RIPOR3: variants seen among roughly 807,000 people sequenced by gnomAD.
The protein encoded by RIPOR3 is family with sequence similarity 65 member C.
In RIPOR3, 95 loss-of-function variants were observed where a neutral mutation model predicts 114.3. The observed-to-expected ratio is 0.83, with a 90% CI of 0.70 to 0.99. The LOEUF is 0.99. Ranked by LOEUF, RIPOR3 falls within the 50% of genes least tolerant of loss-of-function variation. RIPOR3 has a pLI of 0.00. For synonymous variants in RIPOR3, 575 were observed against 543.8 expected (o/e 1.06, Z -0.80); for missense variants, 1,252 against 1,266.9 (o/e 0.99, Z 0.18).
intron 1 of RIPOR3, among the ~76,000 whole-genome samples, chr20:50,667,286 CTTTTTTT>C (rs139859156): frequency 1.6e-3 from 111 of 67,568 alleles, no homozygotes; most frequent in African/African-American, 5.3e-3. Context: ...CTTTAAACTA[CTTTTTTT>C]TTTTTTTTTT....
chr20:50,633,540 G>A (rs73274615), intron 1 of RIPOR3, among the ~76,000 whole-genome samples: 5 of 152,094 alleles, frequency 3.3e-5, no homozygotes, highest in Non-Finnish European at 5.9e-5. Context: ...GAATAAGGAC[G>A]GAGTAGGGAG....
At chr20:50,630,449 T>C (rs766630349) in intron 2 of RIPOR3, among the ~76,000 whole-genome samples, 4 of 152,212 alleles carry the variant, frequency 2.6e-5, no homozygotes, top group African/African-American at 9.6e-5. Context: ...CAAGTGGACC[T>C]GCTAAGCTCA....
intron 11 of RIPOR3, among the ~76,000 whole-genome samples, chr20:50,606,376 A>C (rs2083714319): frequency 6.6e-6 from 1 of 152,184 alleles, no homozygotes; most frequent in African/African-American, 2.4e-5. Flanking sequence ...CAGGGAATCT[A>C]AGGCCAATTA....
At position 50,609,450 on chromosome 20, in the gene RIPOR3, A is replaced by G; in HGVS notation, c.577-94T>C. The G allele has an allele frequency of 3.3e-6, 5 of 1,516,786 alleles. No homozygotes were observed. In the South Asian group the frequency reaches 5.0e-5, roughly 15 times the overall value. 94.0% of individuals were successfully genotyped at this position (1,516,786 alleles called of 1,614,324 possible). A position where few individuals can be genotyped will look rare whatever the true frequency, so the allele number is the denominator to read the frequency against. On this transcript the variant is annotated intron_variant, in intron 7 of 21. Transcript: ENST00000327979. ...GCAGCCAGACAGAGGCCACAGGCAGAGAGACGCCTCCTTGGGGCCCAGAAC... is the reference window on the plus strand; with the variant it reads ...GCAGCCAGACAGAGGCCACAGGCAGGGAGACGCCTCCTTGGGGCCCAGAAC...
In RIPOR3 at chr20:50,589,764, C is replaced by A; in HGVS notation, c.2583G>T (p.Leu861Phe). 1 of 1,613,078 alleles carries A rather than the reference C, an allele frequency of 6.2e-7. No homozygotes were observed. The highest frequency in any genetic ancestry group is 1.1e-5 in the South Asian group (1 of 90,912). The change falls in exon 20 of 22, where the codon TTG (leucine) becomes TTT (phenylalanine). Residue 861 changes from leucine to phenylalanine, a missense_variant. By Grantham distance (22) the Leu-to-Phe change is conservative (BLOSUM62 0). Transcript: ENST00000327979. ...VRNRSFREKA[L>F]LFYTNALAEN... ...CTGCCAGGGCGTTGGTGTAGAACAGCAAAGCCTGGGGAGAGTAAGGAGGCT... is the reference window on the plus strand; with the variant it reads ...CTGCCAGGGCGTTGGTGTAGAACAGAAAAGCCTGGGGAGAGTAAGGAGGCT...
At chr20:50,685,035 C>A (rs2086968440) in intron 1 of RIPOR3, among the ~76,000 whole-genome samples, 1 of 152,104 alleles carries the variant, frequency 6.6e-6, no homozygotes, top group African/African-American at 2.4e-5. Flanking sequence ...CTGCCTTGGC[C>A]TCCCAAAGTG....
intron 1 of RIPOR3, among the ~76,000 whole-genome samples, chr20:50,680,610 G>A (rs1045916904): frequency 2.0e-5 from 3 of 152,244 alleles, no homozygotes; most frequent in Admixed American, 6.5e-5. Context: ...GTAATCTCAC[G>A]CCGACCTGGC....
At chr20:50,637,608 C>T (rs1448789240) in intron 1 of RIPOR3, among the ~76,000 whole-genome samples, 1 of 152,176 alleles carries the variant, frequency 6.6e-6, no homozygotes, top group Non-Finnish European at 1.5e-5. Context: ...TAATTATGGG[C>T]TCACGCCTGT....
intron 13 of RIPOR3, 94 bp from the exon 14 acceptor site, chr20:50,597,804 G>T: frequency 1.3e-6 from 2 of 1,494,034 alleles, no homozygotes; most frequent in Non-Finnish European, 1.8e-6. Flanking sequence ...CTTGGGCAAT[G>T]TCCCGGTCCC....
chr20:50,620,025 T>G lies in RIPOR3; in HGVS notation c.230A>C (p.Gln77Pro). ...CAATGCTTCGAAGATCTTCTTCACC[T>G]GCTGGGGCTTCGGGTCTGCACAGAC... ...GSVCADPKPQ[Q>P]VKKIFEALKR... Residue 77 changes from glutamine to proline, a missense_variant, in exon 3 of 22, where the codon CAG (glutamine) becomes CCG (proline). Coordinates refer to ENST00000327979, the MANE Select transcript of RIPOR3 (RefSeq NM_001290268.2). The G allele has an allele frequency of 3.1e-6, 5 of 1,613,654 alleles. No individual in the cohort carries two copies. The highest frequency in any genetic ancestry group is 4.2e-6 in the Non-Finnish European group (5 of 1,179,538).
chr20:50,586,468 G>GTTGA lies in RIPOR3; in HGVS notation c.*760_*763dup, dbSNP rs3833314. 2.0e-5 allele frequency: 3 copies of GTTGA among 152,024 alleles called. No individual in the cohort carries two copies. Among genetic ancestry groups the GTTGA allele is most frequent in the Admixed American group, 2.0e-4 (3 of 15,282 alleles). The allele number at this position is 152,024 out of a possible 1,614,324, so 9.4% of individuals were successfully genotyped here. On this transcript the variant is annotated 3_prime_UTR_variant, in exon 22 of 22. Coordinates refer to ENST00000327979, the MANE Select transcript of RIPOR3 (RefSeq NM_001290268.2). Reference sequence around the variant, plus strand: ...ATCCTAGGGTAGCTTCCGAAGCTGGGTTGATTGATTGCATTTGGGTGCGGA... The same window carrying GTTGA: ...ATCCTAGGGTAGCTTCCGAAGCTGGGTTGATTGATTGATTGCATTTGGGTGCGGA...
chr20:50,602,549 A>C lies in RIPOR3; in HGVS notation c.1182T>G (p.Gly394=). The C allele has an allele frequency of 1.3e-6, 2 of 1,540,112 alleles. No individual in the cohort carries two copies. Among genetic ancestry groups the C allele is most frequent in the African/African-American group, 1.4e-5 (1 of 72,152 alleles). The change falls in exon 13 of 22, where the codon GGT becomes GGG. Residue 394 remains glycine, a synonymous_variant. Coordinates refer to ENST00000327979, the MANE Select transcript of RIPOR3 (RefSeq NM_001290268.2). The surrounding 1 kb of genome is among the most constrained non-coding windows in gnomAD (Gnocchi z 4.3). ...LSYLSDSDLR[G]PSLRSQSQEL... Reference sequence around the variant, plus strand: ...CCTGACTCTGGCTTCTTAGGCTGGGACCCCGGAGGTCGCTGTCAGACAGGT... The same window carrying C: ...CCTGACTCTGGCTTCTTAGGCTGGGCCCCCGGAGGTCGCTGTCAGACAGGT...
chr20:50,591,879 A>G (rs2083119176), intron 19 of RIPOR3, among the ~76,000 whole-genome samples: 1 of 152,208 alleles, frequency 6.6e-6, no homozygotes, highest in African/African-American at 2.4e-5. Context: ...GGCGGATCGC[A>G]GGGTCAGGAG....
chr20:50,619,890 G>A (rs2123155296), intron 3 of RIPOR3, 96 bp downstream of exon 3: 3 of 1,466,682 alleles, frequency 2.0e-6, no homozygotes, highest in South Asian at 1.3e-5. Context: ...GTCACCTCTT[G>A]TAGACAAGAC....
Position 50,595,439 on chromosome 20 carries a change from T to C in RIPOR3, c.1980A>G (p.Gln660=), listed in dbSNP as rs1363135891. ...QECLLEEVAQ[Q]KHVLETLSVL... is the part of the protein sequence containing the mutation. The stretch of plus-strand genomic sequence containing the variant: ...CAGAAAGTGTCTCCAGAACGTGCTT[T>C]TGCTGTGCCACTTCTTCCAGGAGGC... The change falls in exon 16 of 22, where the codon CAA becomes CAG. Residue 660 remains glutamine, a synonymous_variant. Transcript: ENST00000327979. The C allele has an allele frequency of 6.2e-7, 1 of 1,614,198 alleles. No individual in the cohort carries two copies.
In RIPOR3 at chr20:50,595,168, A is replaced by G. The variant is rs546997933; in HGVS notation, c.2050+201T>C. ...TTGCCTAGAGTCACACAGCTGACTG[A>G]AGAGTGTGCTGCAACTCCAGGACTT... On this transcript the variant is annotated intron_variant, in intron 16 of 21. Transcript: ENST00000327979. The G allele has an allele frequency of 6.2e-6, 4 of 649,450 alleles. No individual in the cohort carries two copies. The East Asian group carries it at 1.1e-4, about 17-fold the overall frequency. 40.2% of individuals were successfully genotyped at this position (649,450 alleles called of 1,614,324 possible).
At chr20:50,609,477 C>G (rs2083865443) in intron 7 of RIPOR3, 96 bp downstream of exon 7, 3 of 1,462,620 alleles carry the variant, frequency 2.1e-6, no homozygotes, top group Admixed American at 2.5e-5. Context: ...GCCCAGAACA[C>G]CTCCTCCAGC....
Position 50,602,264 on chromosome 20 carries a change from GA to G in RIPOR3, c.1466del (p.Phe489SerfsTer40). 1 of 1,613,964 alleles carries G rather than the reference GA, an allele frequency of 6.2e-7. No individual in the cohort carries two copies. The highest frequency in any genetic ancestry group is 2.2e-5 in the East Asian group (1 of 44,882). The stretch of plus-strand genomic sequence containing the variant: ...GGCTACTCGAGGCTGTGCCGCTGTG[GA>G]ACAGGGAGCCCTGTGGCAGGCTGGG... The part of the protein sequence containing the change: ...ESPSLPQGSL[F>X]HSGTASSSQN... On this transcript the variant is annotated frameshift_variant, in exon 13 of 22. Transcript: ENST00000327979. LOFTEE classifies it high-confidence loss of function. This position sits in a 1 kb window ranked among gnomAD's most constrained non-coding sequence, Gnocchi z 4.3.
intron 6 of RIPOR3, among the ~76,000 whole-genome samples, chr20:50,609,995 CCTGCCACCCCTGCCTCA>C (rs1568854641): frequency 9.7e-5 from 13 of 134,176 alleles, no homozygotes; most frequent in Non-Finnish European, 1.5e-4. Context: ...CCCTGCCTCA[CCTGCCACCCCTGCCTCA>C]CCTGCCACCC....
Sources: gnomAD v4.1 joint callset for allele counts (sites outside exome capture counted in the v4.1 genomes callset) on GRCh38, gnomAD v4.1.1 for gene constraint, Gnocchi (gnomAD v3.1) non-coding constraint, MANE v1.5 for transcripts, NCBI Gene and HGNC (gene_info 2026-07-23, HGNC 2026-07-21) for gene names.